The following EXOC4 variants were observed in gnomAD, a reference collection of about 807,000 sequenced individuals.
EXOC4 encodes the protein SEC8-like 1.
EXOC4 carries 71 observed loss-of-function variants against 107.2 expected under a neutral mutation model. The observed-to-expected ratio is 0.66, with a 90% confidence interval of 0.55 to 0.81. EXOC4 has a LOEUF of 0.81. EXOC4 is among the 30% of genes least tolerant of loss of function. EXOC4 has a pLI of 0.00. For missense variants in EXOC4, 1,108 were observed against 1,189.6 expected, an observed-to-expected ratio of 0.93 and a Z score of 1.01; for synonymous variants, 456 against 441.2, an observed-to-expected ratio of 1.03 and a Z score of -0.42.
intron 14 of EXOC4, among the ~76,000 whole-genome samples, chr7:133,941,650 C>T (rs972991160): frequency 6.6e-6 from 1 of 152,160 alleles, no homozygotes; most frequent in Non-Finnish European, 1.5e-5. Flanking sequence ...GTATTCTCCC[C>T]TCAGTCTTTC....
At chr7:133,420,380 G>C (rs999882012) in intron 7 of EXOC4, among the ~76,000 whole-genome samples, 2 of 152,022 alleles carry the variant, frequency 1.3e-5, no homozygotes, top group African/African-American at 4.8e-5. Context: ...TTGTTGGACA[G>C]AGTCTGCTTC....
At chr7:133,439,923 A>G (rs1798067200) in intron 7 of EXOC4, among the ~76,000 whole-genome samples, 1 of 152,320 alleles carries the variant, frequency 6.6e-6, no homozygotes, top group East Asian at 1.9e-4. Context: ...TCTATCACTC[A>G]GCTCTGACAT....
chr7:133,950,850 T>C (rs918227965), intron 14 of EXOC4, among the ~76,000 whole-genome samples: 1 of 152,212 alleles, frequency 6.6e-6, no homozygotes, highest in Non-Finnish European at 1.5e-5. Flanking sequence ...TCACGTCTGC[T>C]TCTAAAAGAG....
chr7:133,549,423 G>C (rs1800545961), intron 9 of EXOC4, among the ~76,000 whole-genome samples: 1 of 152,108 alleles, frequency 6.6e-6, no homozygotes, highest in Non-Finnish European at 1.5e-5. Context: ...AGGAGAGAGA[G>C]AGAGATGAGG....
intron 7 of EXOC4, among the ~76,000 whole-genome samples, chr7:133,383,872 G>A (rs376352123): frequency 5.9e-5 from 9 of 152,230 alleles, no homozygotes; most frequent in African/African-American, 2.2e-4. Context: ...CATGTTGTTG[G>A]CCAGGCCATT....
chr7:133,785,481 A>G (rs1796549128), intron 10 of EXOC4, among the ~76,000 whole-genome samples: 1 of 152,112 alleles, frequency 6.6e-6, no homozygotes, highest in Non-Finnish European at 1.5e-5. Flanking sequence ...ATAGAGTGAA[A>G]AGACAAGGAG....
chr7:133,537,403 C>T (rs1216504422), intron 9 of EXOC4, among the ~76,000 whole-genome samples: 1 of 151,914 alleles, frequency 6.6e-6, no homozygotes, highest in Admixed American at 6.6e-5. Flanking sequence ...AAGTCATCTG[C>T]CTGCCTCGGC....
chr7:133,495,132 A>T (rs1434913466), intron 9 of EXOC4, among the ~76,000 whole-genome samples: 1 of 151,968 alleles, frequency 6.6e-6, no homozygotes, highest in Non-Finnish European at 1.5e-5. Context: ...CATATCTGTA[A>T]TCCCAGCTAC....
chr7:133,684,729 A>G (rs1237755528), intron 10 of EXOC4, among the ~76,000 whole-genome samples: 1 of 152,168 alleles, frequency 6.6e-6, no homozygotes, highest in Non-Finnish European at 1.5e-5. Flanking sequence ...TGGGCATGCA[A>G]ATAAAGAGGA....
chr7:133,877,108 T>C (rs1301848221), intron 11 of EXOC4, among the ~76,000 whole-genome samples: 1 of 152,092 alleles, frequency 6.6e-6, no homozygotes, highest in Non-Finnish European at 1.5e-5. Flanking sequence ...TCATTTTTTC[T>C]GTCTGTGTTT....
Position 133,817,510 on chromosome 7 carries a change from T to C in EXOC4, c.1700T>C (p.Met567Thr). Residue 567 changes from methionine to threonine, a missense_variant, in exon 11 of 18, where the codon ATG becomes ACG. Physicochemically the swap from Met to Thr is moderately conservative, Grantham distance 81 (BLOSUM62 -1). Transcript: ENST00000253861. ...AAGATTCTGGCCAACGCAGACACCATGAAGGTGCTGGGAGTGCAGCGGCCT... is the reference window on the plus strand; with the variant it reads ...AAGATTCTGGCCAACGCAGACACCACGAAGGTGCTGGGAGTGCAGCGGCCT... Reference protein sequence around the residue: ...PLKILANADTMKVLGVQRPLL... With the variant: ...PLKILANADTTKVLGVQRPLL... The C allele has an allele frequency of 1.2e-6, 2 of 1,614,140 alleles. No individual in the cohort carries two copies. Among genetic ancestry groups the C allele is most frequent in the Non-Finnish European group, 8.5e-7 (1 of 1,180,012 alleles).
intron 5 of EXOC4, among the ~76,000 whole-genome samples, chr7:133,354,662 C>T (rs1323131476): frequency 6.6e-6 from 1 of 152,088 alleles, no homozygotes; most frequent in African/African-American, 2.4e-5. Context: ...TTAGAGGAAG[C>T]AATCAGCGAT....
intron 10 of EXOC4, among the ~76,000 whole-genome samples, chr7:133,649,930 T>C (rs1409204170): frequency 6.6e-6 from 1 of 152,148 alleles, no homozygotes; most frequent in Non-Finnish European, 1.5e-5. Flanking sequence ...TAATATTATG[T>C]CACTACTTTG....
chr7:133,506,258 A>G (rs555992936), intron 9 of EXOC4, among the ~76,000 whole-genome samples: 1 of 152,252 alleles, frequency 6.6e-6, no homozygotes, highest in East Asian at 1.9e-4. Flanking sequence ...GTACTCGTGT[A>G]TGTAATTAAA....
intron 15 of EXOC4, among the ~76,000 whole-genome samples, chr7:133,998,502 T>G (rs1039716303): frequency 6.6e-6 from 1 of 151,964 alleles, no homozygotes; most frequent in Non-Finnish European, 1.5e-5. Context: ...CTCACAAAGG[T>G]CCTGAGACAA....
At chr7:133,994,838 G>A (rs1585308225) in intron 14 of EXOC4, among the ~76,000 whole-genome samples, 1 of 151,820 alleles carries the variant, frequency 6.6e-6, no homozygotes, top group Non-Finnish European at 1.5e-5. Context: ...GATTGTGTTA[G>A]CATTGCTTTT....
chr7:133,914,306 A>G (rs557720315), intron 12 of EXOC4, among the ~76,000 whole-genome samples: 11 of 152,374 alleles, frequency 7.2e-5, no homozygotes, highest in African/African-American at 2.4e-4. Context: ...AAAGCCAGAA[A>G]CAGACAAATG....
chr7:134,006,726 C>G (rs1376263353), intron 16 of EXOC4, among the ~76,000 whole-genome samples: 10 of 152,092 alleles, frequency 6.6e-5, no homozygotes, highest in Admixed American at 6.5e-4. Context: ...TTTACAGTTC[C>G]AAGGAAAATG....
intron 7 of EXOC4, among the ~76,000 whole-genome samples, chr7:133,408,668 A>T (rs541502600): frequency 6.6e-6 from 1 of 152,236 alleles, no homozygotes; most frequent in Non-Finnish European, 1.5e-5. Context: ...ACACCTCTGC[A>T]TCCATAATTT....
Sources: allele counts gnomAD v4.1 joint callset (sites outside exome capture counted in the v4.1 genomes callset), GRCh38; gene constraint gnomAD v4.1.1; transcripts MANE v1.5; gene names NCBI Gene and HGNC (gene_info 2026-07-23, HGNC 2026-07-21).